Variants in DPP10 observed in about 807,000 individuals in gnomAD.
DPP10 encodes the protein inactive dipeptidyl peptidase 10.
Under a neutral mutation model 120.9 loss-of-function variants are expected in DPP10, and 33 were observed. The ratio of observed to expected loss-of-function variants is 0.27; its 90% confidence interval spans 0.21 to 0.37. DPP10 has a LOEUF of 0.37. Among genes scored for constraint, DPP10 ranks in the 10% least tolerant of loss-of-function variants. The pLI is 1.00. For synonymous variants in DPP10, 337 were observed against 326.1 expected (o/e 1.03, Z -0.36); for missense variants, 816 against 942.8 (o/e 0.87, Z 1.76).
intron 1 of DPP10, among the ~76,000 whole-genome samples, chr2:114,489,214 T>G (rs1256793279): frequency 1.3e-5 from 2 of 152,190 alleles, no homozygotes; most frequent in Non-Finnish European, 2.9e-5. Flanking sequence ...CACTGTTATG[T>G]TTTAGATATT....
chr2:114,932,124 A>G lies in DPP10; in HGVS notation c.61-377115A>G, dbSNP rs115629707. ...GAAAAGCAGCATCTGTGTGTCCTAG[A>G]AACATCGGAAATGCAATTTTAGACC... On this transcript the variant is annotated intron_variant, in intron 1 of 25. Coordinates refer to ENST00000410059, the MANE Select transcript of DPP10 (RefSeq NM_020868.6). Among the ~76,000 whole-genome samples, 1,464 of 152,338 alleles carry G rather than the reference A, an allele frequency of 9.6e-3. 20 individuals are homozygous for G. The highest frequency in any genetic ancestry group is 0.016 in the Non-Finnish European group (1,070 of 68,020).
chr2:114,873,841 G>A (rs907463633), intron 1 of DPP10, among the ~76,000 whole-genome samples: 8 of 152,102 alleles, frequency 5.3e-5, no homozygotes, highest in East Asian at 1.9e-4. Context: ...CTTTCTATAC[G>A]TAGATCCCTG....
At position 114,555,782 on chromosome 2, in the gene DPP10, T is replaced by C. The variant is rs1327958409; in HGVS notation, c.60+112944T>C. On this transcript the variant is annotated intron_variant, in intron 1 of 25. Transcript: ENST00000410059. ...GGAACAGTAATCATTCTTATTGCTT[T>C]ATTGAGCAATGCACATCATATATAA... Among the ~76,000 whole-genome samples, 6 of 152,186 alleles carry C rather than the reference T, an allele frequency of 3.9e-5. No individual in the cohort carries two copies. The East Asian group carries it at 1.2e-3, about 29-fold the overall frequency.
chr2:115,160,926 G>C lies in DPP10; in HGVS notation c.61-148313G>C, dbSNP rs143513314. 3.9e-3 allele frequency among the ~76,000 whole-genome samples: 588 copies of C among 152,254 alleles called. 7 individuals are homozygous for C. Among genetic ancestry groups the C allele is most frequent in the African/African-American group, 0.014 (564 of 41,534 alleles). On this transcript the variant is annotated intron_variant, in intron 1 of 25. Transcript: ENST00000410059. Reference sequence around the variant, plus strand: ...CTGAGCCTCACAGTGTGTTTGGCACGTGGTAGGTGCTCGGTAAACCTACTT... The same window carrying C: ...CTGAGCCTCACAGTGTGTTTGGCACCTGGTAGGTGCTCGGTAAACCTACTT...
At chr2:115,729,378 A>T (rs578023058) in intron 8 of DPP10, among the ~76,000 whole-genome samples, 17 of 152,332 alleles carry the variant, frequency 1.1e-4, no homozygotes, top group Admixed American at 5.2e-4. Context: ...ATGTTAATGC[A>T]GTGTGGTAAG....
chr2:114,877,563 A>G (rs1691256547), intron 1 of DPP10, among the ~76,000 whole-genome samples: 5 of 152,098 alleles, frequency 3.3e-5, no homozygotes, highest in Admixed American at 3.3e-4. Context: ...TTCTGTGCTC[A>G]TTGTTTATGG....
At chr2:114,847,192 T>C (rs1267168446) in intron 1 of DPP10, among the ~76,000 whole-genome samples, 2 of 152,112 alleles carry the variant, frequency 1.3e-5, no homozygotes, top group Non-Finnish European at 2.9e-5. Context: ...CAATTCTTGC[T>C]GAGCTTTGCC....
chr2:115,036,198 T>G (rs1704216651), intron 1 of DPP10, among the ~76,000 whole-genome samples: 1 of 152,102 alleles, frequency 6.6e-6, no homozygotes, highest in African/African-American at 2.4e-5. Flanking sequence ...GCCAGACCCT[T>G]GTAAAATCAT....
chr2:115,221,399 G>C (rs1251558270), intron 1 of DPP10, among the ~76,000 whole-genome samples: 2 of 152,034 alleles, frequency 1.3e-5, no homozygotes, highest in African/African-American at 4.8e-5. Flanking sequence ...ACTAAAGCAG[G>C]GTTCGGCAAA....
At chr2:114,543,479 T>C (rs1220714861) in intron 1 of DPP10, among the ~76,000 whole-genome samples, 1 of 152,240 alleles carries the variant, frequency 6.6e-6, no homozygotes, top group African/African-American at 2.4e-5. Context: ...AGTTGAGGGT[T>C]AACTGTCTTC....
At chr2:115,146,519 C>A (rs1178186346) in intron 1 of DPP10, among the ~76,000 whole-genome samples, 2 of 151,516 alleles carry the variant, frequency 1.3e-5, no homozygotes, top group Non-Finnish European at 2.9e-5. Flanking sequence ...TTTCTATGTT[C>A]CCTAATTAAG....
chr2:114,660,286 GA>G (rs1310349265), intron 1 of DPP10, among the ~76,000 whole-genome samples: 3 of 151,998 alleles, frequency 2.0e-5, no homozygotes, highest in East Asian at 1.9e-4. Context: ...ATATTAGCTG[GA>G]AAAAAAATTA....
intron 1 of DPP10, among the ~76,000 whole-genome samples, chr2:115,290,163 A>C (rs2060594691): frequency 6.6e-6 from 1 of 152,100 alleles, no homozygotes; most frequent in Non-Finnish European, 1.5e-5. Flanking sequence ...AAAGAGGCCA[A>C]ATAATTTTAT....
intron 1 of DPP10, among the ~76,000 whole-genome samples, chr2:114,582,353 T>C (rs1214107046): frequency 2.0e-5 from 3 of 152,248 alleles, no homozygotes; most frequent in Non-Finnish European, 4.4e-5. Flanking sequence ...GAAGGATATG[T>C]TGGTTGCTTC....
rs1433470502 is a variant in DPP10 at position 115,569,898 on chromosome 2, G to T, written c.441+43926G>T. On this transcript the variant is annotated intron_variant, in intron 5 of 25. Transcript: ENST00000410059. ...ATTTGAAATAAAACACTAATAAAAT[G>T]CTAATTAAATAAAACACATGCCAGT... 2.6e-5 allele frequency among the ~76,000 whole-genome samples: 4 copies of T among 151,608 alleles called. No individual in the cohort carries two copies. The East Asian group carries it at 7.8e-4, about 29-fold the overall frequency.
intron 5 of DPP10, among the ~76,000 whole-genome samples, chr2:115,600,196 T>TAA (rs2083241054): frequency 3.9e-5 from 6 of 152,168 alleles, no homozygotes; most frequent in Non-Finnish European, 8.8e-5. Flanking sequence ...GATTCCCCTT[T>TAA]AGAAACTCCC....
chr2:115,699,080 T>C (rs1352106603), intron 7 of DPP10, among the ~76,000 whole-genome samples: 1 of 113,056 alleles, frequency 8.8e-6, no homozygotes, highest in East Asian at 2.6e-4. Flanking sequence ...TAAAATCAGA[T>C]TGAAAGTGGG....
chr2:114,487,985 G>A (rs1681656430), intron 1 of DPP10, among the ~76,000 whole-genome samples: 1 of 152,198 alleles, frequency 6.6e-6, no homozygotes, highest in Non-Finnish European at 1.5e-5. Context: ...AGCAGTGGAG[G>A]TGATTGAACA....
chr2:114,471,102 C>T (rs1679869519), intron 1 of DPP10, among the ~76,000 whole-genome samples: 1 of 152,180 alleles, frequency 6.6e-6, no homozygotes, highest in Non-Finnish European at 1.5e-5. Context: ...AAGTTTACAA[C>T]CTAACTGTAT....
Sources: allele counts gnomAD v4.1 joint callset (sites outside exome capture counted in the v4.1 genomes callset), GRCh38; gene constraint gnomAD v4.1.1; transcripts MANE v1.5; gene names NCBI Gene and HGNC (gene_info 2026-07-23, HGNC 2026-07-21).